UGT1A6: variants seen among roughly 807,000 people sequenced by gnomAD.
The protein encoded by UGT1A6 is UDP glucuronosyltransferase family 1 member A6.
UGT1A6 carries 32 observed loss-of-function variants against 44.4 expected under a neutral mutation model. That is an observed-to-expected ratio of 0.72 (90% confidence interval 0.54 to 0.97). The LOEUF (loss-of-function observed/expected upper bound fraction) is 0.97. Among genes scored for constraint, UGT1A6 ranks in the 50% least tolerant of loss-of-function variants. The probability of loss-of-function intolerance (pLI) is 0.00; values close to 1 mark genes in which losing one functional copy is unlikely to be tolerated. For missense variants in UGT1A6, 685 were observed against 661.9 expected, an observed-to-expected ratio of 1.03 and a Z score of -0.38; for synonymous variants, 238 against 248.5, an observed-to-expected ratio of 0.96 and a Z score of 0.40.
At chr2:233,754,973 G>T in intron 1 of UGT1A6, 1 of 1,299,560 alleles carries the variant, frequency 7.7e-7, no homozygotes, top group Non-Finnish European at 1.0e-6. Flanking sequence ...ACTCCCTGAA[G>T]ACCTCGGCGG....
intron 1 of UGT1A6, chr2:233,754,464 G>A (rs748886391): frequency 1.4e-5 from 5 of 356,342 alleles, no homozygotes; most frequent in Non-Finnish European, 2.2e-5. Flanking sequence ...CAGCTGTTCT[G>A]AAAGTAAAGT....
chr2:233,695,117 AC>A (rs1286119595), intron 1 of UGT1A6, among the ~76,000 whole-genome samples: 2 of 117,164 alleles, frequency 1.7e-5, no homozygotes, highest in African/African-American at 6.7e-5. Context: ...CCATTAACCA[AC>A]CCTTTTCTTT....
intron 1 of UGT1A6, chr2:233,729,294 C>G: frequency 6.2e-7 from 1 of 1,614,226 alleles, no homozygotes; most frequent in Non-Finnish European, 8.5e-7. Flanking sequence ...CCAGAGGCCA[C>G]CAGGCAGTGG....
intron 1 of UGT1A6, among the ~76,000 whole-genome samples, chr2:233,727,594 G>A (rs2077631064): frequency 6.6e-6 from 1 of 152,304 alleles, no homozygotes; most frequent in African/African-American, 2.4e-5. Flanking sequence ...GTTTTAAGGG[G>A]GTTGGAGGAA....
At position 233,767,872 on chromosome 2, in the gene UGT1A6, C is replaced by G. The variant is rs997427896; in HGVS notation, c.1017C>G (p.Thr339=). The G allele has an allele frequency of 2.5e-6, 4 of 1,614,024 alleles. No homozygotes were observed. The highest frequency in any genetic ancestry group is 3.4e-6 in the Non-Finnish European group (4 of 1,180,044). ...PQTVLWRYTG[T]RPSNLANNTI... is the part of the protein sequence containing the mutation. The stretch of plus-strand genomic sequence containing the variant: ...AGGTCCTGTGGCGGTACACTGGAAC[C>G]CGACCATCGAATCTTGCGAACAACA... Residue 339 remains threonine (T), a synonymous_variant, in exon 3 of 5, where the codon ACC becomes ACG. Coordinates refer to ENST00000305139, the MANE Select transcript of UGT1A6 (RefSeq NM_001072.4).
chr2:233,729,973 A>C, intron 1 of UGT1A6: 1 of 1,614,080 alleles, frequency 6.2e-7, no homozygotes, highest in East Asian at 2.2e-5. Context: ...CAACTGTGCC[A>C]ACAGGAAGCC....
intron 1 of UGT1A6, among the ~76,000 whole-genome samples, chr2:233,737,855 A>G (rs577176217): frequency 2.6e-5 from 4 of 152,218 alleles, no homozygotes; most frequent in East Asian, 1.9e-4. Context: ...CACTCTTGCT[A>G]TGCCCCTTAA....
At chr2:233,719,670 G>A (rs758623915) in intron 1 of UGT1A6, 19 of 1,613,900 alleles carry the variant, frequency 1.2e-5, no homozygotes, top group East Asian at 6.7e-5. Flanking sequence ...CTGTGCCAAC[G>A]GGAAGCCACT....
At chr2:233,755,185 T>G (rs1695803868) in intron 1 of UGT1A6, 2 of 1,189,530 alleles carry the variant, frequency 1.7e-6, no homozygotes, top group Non-Finnish European at 2.3e-6. Context: ...GGGTGCCACT[T>G]GAGCGCCAGC....
intron 1 of UGT1A6, among the ~76,000 whole-genome samples, chr2:233,707,311 A>G (rs2075954377): frequency 1.3e-5 from 2 of 152,116 alleles, no homozygotes; most frequent in Non-Finnish European, 2.9e-5. Context: ...GGTTTGTTAC[A>G]TAGCTAAACA....
intron 1 of UGT1A6, chr2:233,754,387 G>A: frequency 3.3e-6 from 1 of 304,284 alleles, no homozygotes; most frequent in East Asian, 8.4e-5. Flanking sequence ...ACAAACAGAG[G>A]TCCTATCCGT....
rs1700546112 is a variant in UGT1A6 at position 233,772,763 on chromosome 2, C to T, written c.*204C>T. ...TAAAGATATTTGAATATGTATCGTGCCCCCTCTGGTGTCTTTGATCAGGAT... is the reference window on the plus strand; with the variant it reads ...TAAAGATATTTGAATATGTATCGTGTCCCCTCTGGTGTCTTTGATCAGGAT... On this transcript the variant is annotated 3_prime_UTR_variant, in exon 5 of 5. Transcript: ENST00000305139. 1 of 1,384,392 alleles carries T rather than the reference C, an allele frequency of 7.2e-7. No individual in the cohort carries two copies. Among genetic ancestry groups the T allele is most frequent in the South Asian group, 1.5e-5 (1 of 65,502 alleles). The allele number at this position is 1,384,392 out of a possible 1,614,324, so 85.8% of individuals were successfully genotyped here. A position where few individuals can be genotyped will look rare whatever the true frequency, so the allele number is the denominator to read the frequency against.
At chr2:233,694,242 C>T (rs2075207080) in intron 1 of UGT1A6, among the ~76,000 whole-genome samples, 2 of 151,944 alleles carry the variant, frequency 1.3e-5, no homozygotes, top group Non-Finnish European at 2.9e-5. Context: ...GTCTCTGGAC[C>T]TTGAGCCAGG....
chr2:233,729,414 C>T (rs1422584359), intron 1 of UGT1A6: 3 of 1,613,716 alleles, frequency 1.9e-6, no homozygotes, highest in Non-Finnish European at 2.5e-6. Context: ...TGCTGGGCCA[C>T]ACTCAACTGT....
chr2:233,719,636 C>G (rs1397748790), intron 1 of UGT1A6: 2 of 1,614,094 alleles, frequency 1.2e-6, no homozygotes, highest in Non-Finnish European at 1.7e-6. Context: ...TCATGCCCAA[C>G]ATGGTCTTCA....
intron 1 of UGT1A6, among the ~76,000 whole-genome samples, chr2:233,697,298 A>G (rs1046894333): frequency 6.6e-6 from 1 of 152,102 alleles, no homozygotes; most frequent in Non-Finnish European, 1.5e-5. Flanking sequence ...TTCTTCATTC[A>G]ATCTTGGTAG....
At chr2:233,737,893 C>T (rs954991944) in intron 1 of UGT1A6, among the ~76,000 whole-genome samples, 2 of 152,082 alleles carry the variant, frequency 1.3e-5, no homozygotes, top group African/African-American at 4.8e-5. Flanking sequence ...AGCTAATTTT[C>T]GAGTGTGGTA....
At chr2:233,699,341 G>T (rs920217279) in intron 1 of UGT1A6, among the ~76,000 whole-genome samples, 1 of 152,132 alleles carries the variant, frequency 6.6e-6, no homozygotes, top group Admixed American at 6.5e-5. Context: ...ATCCACCCTA[G>T]GGCTAACCTC....
At chr2:233,711,354 C>A (rs1387342793) in intron 1 of UGT1A6, among the ~76,000 whole-genome samples, 3 of 152,220 alleles carry the variant, frequency 2.0e-5, no homozygotes, top group Non-Finnish European at 4.4e-5. Flanking sequence ...AACAGGGGAG[C>A]CCCCTGAATG....
Sources: allele counts gnomAD v4.1 joint callset (sites outside exome capture counted in the v4.1 genomes callset), GRCh38; gene constraint gnomAD v4.1.1; transcripts MANE v1.5; gene names NCBI Gene and HGNC (gene_info 2026-07-23, HGNC 2026-07-21).